The following HAAO variants were observed in gnomAD, a reference collection of about 807,000 sequenced individuals.
The protein encoded by HAAO is 3-hydroxyanthranilate 3,4-dioxygenase, also known as 3-hydroxyanthranilate oxygenase.
A neutral mutation model predicts 46.2 loss-of-function variants in HAAO; 49 were observed. The ratio of observed to expected loss-of-function variants is 1.06; its 90% confidence interval spans 0.84 to 1.34. The LOEUF (loss-of-function observed/expected upper bound fraction) is 1.34, where lower values mean the gene tolerates loss of function less well. HAAO is among the 40% of genes most tolerant of loss of function. HAAO has a pLI of 0.00. For missense variants in HAAO, 408 were observed against 364.5 expected (o/e 1.12, Z -0.97); for synonymous variants, 157 against 145.2 (o/e 1.08, Z -0.58).
chr2:42,767,697 G>GAATCAAAT lies in HAAO; in HGVS notation c.700-28_700-21dup, dbSNP rs1558656707. 1.9e-6 allele frequency: 3 copies of GAATCAAAT among 1,565,610 alleles called. No homozygotes were observed. In the Admixed American group the frequency reaches 5.6e-5, roughly 29 times the overall value. On this transcript the variant is annotated intron_variant, in intron 8 of 9. Transcript: ENST00000294973. Reference sequence around the variant, plus strand: ...GCCCTCCTGGAGAAGAGGAGCAGGAGAATCAAATGGAGACTGTTGGGCCTC... The same window carrying GAATCAAAT: ...GCCCTCCTGGAGAAGAGGAGCAGGAGAATCAAATAATCAAATGGAGACTGTTGGGCCTC...
intron 4 of HAAO, among the ~76,000 whole-genome samples, chr2:42,779,170 T>C (rs1671806358): frequency 6.6e-6 from 1 of 152,096 alleles, no homozygotes; most frequent in Non-Finnish European, 1.5e-5. Context: ...ATGTCAAAGG[T>C]ACACTGATGC....
At position 42,786,009 on chromosome 2, in the gene HAAO, CTGTGTGTGTGTGTGTG is replaced by C. The variant is rs10606385; in HGVS notation, c.160-2158_160-2143del. Among the ~76,000 whole-genome samples, 804 of 106,152 alleles carry C rather than the reference CTGTGTGTGTGTGTGTG, an allele frequency of 7.6e-3. 8 individuals carry two copies. Among genetic ancestry groups the C allele is most frequent in the African/African-American group, 0.023 (545 of 24,078 alleles). The allele number at this position is 106,152 out of a possible 152,430, so 69.6% of individuals were successfully genotyped here. A position where few individuals can be genotyped will look rare whatever the true frequency, so the allele number is the denominator to read the frequency against. On this transcript the variant is annotated intron_variant, in intron 2 of 9. Transcript: ENST00000294973. ...CACTCTCCAAGCTGGGAGGAAGCCT[CTGTGTGTGTGTGTGTG>C]TGTGTGTGTGTGTGTGTGTGTGTGT...
rs917740834 is a variant in HAAO at position 42,775,053 on chromosome 2, C to A, written c.351-4471G>T. On this transcript the variant is annotated intron_variant, in intron 4 of 9. Coordinates refer to ENST00000294973, the MANE Select transcript of HAAO (RefSeq NM_012205.3). ...CATGAAGTCAGGAGTTCCAGACTAG[C>A]CTGACCAACGTGGTGAAACCCCGTC... Among the ~76,000 whole-genome samples the A allele has an allele frequency of 2.0e-5, 3 of 152,082 alleles. No individual in the cohort carries two copies. In the South Asian group the frequency reaches 6.2e-4, roughly 32 times the overall value.
At chr2:42,783,893 C>T in intron 2 of HAAO, 26 bp from the exon 3 acceptor site, 1 of 1,593,150 alleles carries the variant, frequency 6.3e-7, no homozygotes, top group Non-Finnish European at 8.6e-7. Context: ...GAGGCTTGGA[C>T]CCTCCGCACT....
chr2:42,768,025 G>T, intron 7 of HAAO, 97 bp from the exon 8 acceptor site: 1 of 1,083,652 alleles, frequency 9.2e-7, no homozygotes, highest in Non-Finnish European at 1.4e-6. Context: ...CTTGGAGCAG[G>T]GTTGGGGCCC....
chr2:42,775,280 T>TGG (rs1010521149), intron 4 of HAAO, among the ~76,000 whole-genome samples: 1 of 109,664 alleles, frequency 9.1e-6, no homozygotes, highest in Non-Finnish European at 1.9e-5. Flanking sequence ...GGTTGTCTGG[T>TGG]GGGGGGAGAA....
At chr2:42,777,115 A>C (rs1402566487) in intron 4 of HAAO, among the ~76,000 whole-genome samples, 1 of 151,670 alleles carries the variant, frequency 6.6e-6, no homozygotes, top group Non-Finnish European at 1.5e-5. Context: ...CAGCCTGGCC[A>C]ACATGGTGAA....
rs373441385 is a variant in HAAO at position 42,784,576 on chromosome 2, C to G, written c.160-709G>C. ...CCTACTGCATTTTTCCGATTCCATCCTAAGTCCCTAATTTACTGAGATCAC... is the reference window on the plus strand; with the variant it reads ...CCTACTGCATTTTTCCGATTCCATCGTAAGTCCCTAATTTACTGAGATCAC... On this transcript the variant is annotated intron_variant, in intron 2 of 9. Transcript: ENST00000294973. 4.3e-4 allele frequency among the ~76,000 whole-genome samples: 65 copies of G among 151,038 alleles called. No homozygotes were observed. The East Asian group carries it at 0.012, about 28-fold the overall frequency.
intron 4 of HAAO, among the ~76,000 whole-genome samples, chr2:42,772,091 T>C (rs547166467): frequency 2.0e-5 from 3 of 152,380 alleles, no homozygotes; most frequent in African/African-American, 7.2e-5. Flanking sequence ...GACAAATTTT[T>C]TCTAGAAGAT....
intron 2 of HAAO, among the ~76,000 whole-genome samples, chr2:42,784,198 T>C (rs1672224263): frequency 1.3e-5 from 2 of 152,112 alleles, no homozygotes; most frequent in African/African-American, 4.8e-5. Flanking sequence ...CCCACCCATT[T>C]ACTGGGTGCC....
chr2:42,776,842 C>A (rs1008064432), intron 4 of HAAO, among the ~76,000 whole-genome samples: 2 of 151,106 alleles, frequency 1.3e-5, no homozygotes, highest in Non-Finnish European at 2.9e-5. Context: ...CTATCTTGGC[C>A]AGGTGGCTAT....
chr2:42,787,379 G>C (rs1672467138), intron 2 of HAAO, among the ~76,000 whole-genome samples: 2 of 152,182 alleles, frequency 1.3e-5, no homozygotes, highest in South Asian at 4.1e-4. Flanking sequence ...GCAGCCAGCT[G>C]TGCCTCCCAT....
Position 42,769,570 on chromosome 2 carries a change from TG to T in HAAO, c.630+142del, listed in dbSNP as rs1194083408. The T allele has an allele frequency of 3.9e-4, 6 of 15,454 alleles. No homozygotes were observed. The East Asian group carries it at 6.6e-3, about 17-fold the overall frequency. 1.0% of individuals were successfully genotyped at this position (15,454 alleles called of 1,614,324 possible). A position where few individuals can be genotyped will look rare whatever the true frequency, so the allele number is the denominator to read the frequency against. On this transcript the variant is annotated intron_variant, in intron 7 of 9. Transcript: ENST00000294973. The stretch of plus-strand genomic sequence containing the variant: ...ATGCTCATGTCTACAACCTCTGAAA[TG>T]TGTGTGTGTGTGTGTGTGTGTGTGT...
At chr2:42,772,619 TTTA>T (rs1030341594) in intron 4 of HAAO, among the ~76,000 whole-genome samples, 53 of 152,302 alleles carry the variant, frequency 3.5e-4, no homozygotes, top group African/African-American at 1.1e-3. Flanking sequence ...TTTTCCCTTT[TTTA>T]TTATTTTGTT....
chr2:42,770,081 A>G (rs1282912431), intron 6 of HAAO, 62 bp downstream of exon 6: 14 of 1,510,632 alleles, frequency 9.3e-6, no homozygotes, highest in Non-Finnish European at 1.3e-5. Context: ...CCCTGGACCA[A>G]AACCCATCCT....
intron 4 of HAAO, among the ~76,000 whole-genome samples, chr2:42,775,594 CT>C (rs34791314): frequency 1.6e-4 from 23 of 148,090 alleles, no homozygotes; most frequent in Non-Finnish European, 1.3e-4. Context: ...AGGACCTTGT[CT>C]TTTTTTTTTG....
chr2:42,788,844 C>G (rs1466493794), intron 1 of HAAO, among the ~76,000 whole-genome samples: 3 of 152,240 alleles, frequency 2.0e-5, no homozygotes, highest in Non-Finnish European at 4.4e-5. Context: ...TGTGTCCCCC[C>G]ACATCGTCTG....
At chr2:42,786,009 CTG>C (rs10606385) in intron 2 of HAAO, among the ~76,000 whole-genome samples, 6,667 of 105,608 alleles carry the variant, frequency 0.063, 214 homozygotes, top group African/African-American at 0.096. Flanking sequence ...GAGGAAGCCT[CTG>C]TGTGTGTGTG....
chr2:42,780,805 TG>T (rs1426282773), intron 4 of HAAO, among the ~76,000 whole-genome samples: 2 of 150,858 alleles, frequency 1.3e-5, no homozygotes, highest in African/African-American at 4.9e-5. Context: ...TGGTGGCTCA[TG>T]CCTATAATCC....
Sources: gnomAD v4.1 joint callset for allele counts (sites outside exome capture counted in the v4.1 genomes callset) on GRCh38, gnomAD v4.1.1 for gene constraint, MANE v1.5 for transcripts, NCBI Gene and HGNC (gene_info 2026-07-23, HGNC 2026-07-21) for gene names.